GAB1: variants seen among roughly 807,000 people sequenced by gnomAD.
The protein encoded by GAB1 is GRB2 associated binding protein 1.
Under a neutral mutation model 66.5 loss-of-function variants are expected in GAB1, and 19 were observed. The ratio of observed to expected loss-of-function variants is 0.29; its 90% CI spans 0.20 to 0.42. The LOEUF (loss-of-function observed/expected upper bound fraction) is 0.42. Among genes scored for constraint, GAB1 ranks in the 10% least tolerant of loss-of-function variants. The probability of loss-of-function intolerance (pLI) is 1.00; values close to 1 mark genes in which losing one functional copy is unlikely to be tolerated. For missense variants in GAB1, 732 were observed against 858.5 expected, an observed-to-expected ratio of 0.85 and a Z score of 1.84; for synonymous variants, 294 against 301.4, an observed-to-expected ratio of 0.98 and a Z score of 0.25.
chr4:143,425,628 G>A, intron 2 of GAB1: 1 of 761,782 alleles, frequency 1.3e-6, no homozygotes, highest in South Asian at 1.3e-5. Flanking sequence ...ACATCCATGG[G>A]AGGTCATGCC....
intron 1 of GAB1, among the ~76,000 whole-genome samples, chr4:143,359,044 G>A (rs1270984624): frequency 2.6e-5 from 4 of 152,128 alleles, no homozygotes; most frequent in African/African-American, 9.7e-5. Flanking sequence ...GTCCCGTTTG[G>A]TAGGTTGGTT....
chr4:143,438,496 G>T lies in GAB1; in HGVS notation c.1091G>T (p.Arg364Leu), dbSNP rs749724378. 1 of 1,613,810 alleles carries T rather than the reference G, an allele frequency of 6.2e-7. No individual in the cohort carries two copies. Among genetic ancestry groups the T allele is most frequent in the Non-Finnish European group, 8.5e-7 (1 of 1,179,932 alleles). ...CCTGTGGAAACGTGTAGTATCCCAC[G>T]CACCGCCTCAGACACTGACAGTAGT... Reference protein sequence around the residue: ...RSPVETCSIPRTASDTDSSYC... With the variant: ...RSPVETCSIPLTASDTDSSYC... The change falls in exon 4 of 10, where the codon CGC (arginine) becomes CTC (leucine). Residue 364 changes from arginine (R) to leucine (L), a missense_variant. Arg to Leu is a moderately radical substitution (Grantham distance 102, BLOSUM62 -2). This residue lies in a region of GAB1 where 427 missense variants were observed against 420.6 expected (regional missense o/e 1.02). Transcript: ENST00000262994.
intron 6 of GAB1, among the ~76,000 whole-genome samples, chr4:143,450,456 T>C (rs1734859566): frequency 6.6e-6 from 1 of 152,236 alleles, no homozygotes; most frequent in South Asian, 2.1e-4. Flanking sequence ...TTTATGTAAG[T>C]AGTTACCTAT....
At chr4:143,406,706 A>G (rs1444896591) in intron 1 of GAB1, among the ~76,000 whole-genome samples, 3 of 152,242 alleles carry the variant, frequency 2.0e-5, no homozygotes, top group East Asian at 1.9e-4. Context: ...CCCAGTACAC[A>G]CAGCTGTGGG....
chr4:143,437,391 T>A (rs1466448222), intron 3 of GAB1, among the ~76,000 whole-genome samples: 1 of 152,240 alleles, frequency 6.6e-6, no homozygotes, highest in African/African-American at 2.4e-5. Context: ...TGGTTAACTC[T>A]GTATCACGTA....
chr4:143,345,022 A>G (rs188144798), intron 1 of GAB1, among the ~76,000 whole-genome samples: 74 of 152,352 alleles, frequency 4.9e-4, no homozygotes, highest in African/African-American at 1.8e-3. Context: ...CCTGTCCTGC[A>G]GTATTATCTG....
Position 143,346,377 on chromosome 4 carries a change from A to T in GAB1, c.72+9117A>T, listed in dbSNP as rs565780684. ...CTGACTGGCAGAACTCCTCCCTGAG[A>T]TGACTACCTGATGAAAGAATTACCT... is the stretch of plus-strand genomic sequence containing the variant. On this transcript the variant is annotated intron_variant, in intron 1 of 9. Transcript: ENST00000262994. Among the ~76,000 whole-genome samples the T allele has an allele frequency of 1.1e-3, 168 of 152,208 alleles. 1 individual carries two copies. Among genetic ancestry groups the T allele is most frequent in the Non-Finnish European group, 2.1e-3 (145 of 68,042 alleles).
At chr4:143,466,248 C>G (rs773089865) in intron 9 of GAB1, 23 bp downstream of exon 9, 2 of 1,610,330 alleles carry the variant, frequency 1.2e-6, no homozygotes, top group Admixed American at 1.7e-5. Flanking sequence ...TGACATGTCT[C>G]TTCTTTGTAT....
chr4:143,370,825 T>G (rs1485566837), intron 1 of GAB1, among the ~76,000 whole-genome samples: 1 of 152,204 alleles, frequency 6.6e-6, no homozygotes, highest in Admixed American at 6.5e-5. Flanking sequence ...TGCGATAGTT[T>G]GCTCAGAATG....
At chr4:143,429,613 C>T (rs111650498) in intron 2 of GAB1, among the ~76,000 whole-genome samples, 397 of 152,196 alleles carry the variant, frequency 2.6e-3, no homozygotes, top group African/African-American at 9.2e-3. Flanking sequence ...GTTAGGAACC[C>T]TGTACGGGGA....
chr4:143,367,424 G>A (rs145089518), intron 1 of GAB1, among the ~76,000 whole-genome samples: 1 of 152,276 alleles, frequency 6.6e-6, no homozygotes, highest in Admixed American at 6.5e-5. Context: ...AAGGGAGAGA[G>A]TGAGAACATA....
At chr4:143,434,366 CTTT>C (rs11389050) in intron 3 of GAB1, among the ~76,000 whole-genome samples, 6 of 137,466 alleles carry the variant, frequency 4.4e-5, no homozygotes, top group African/African-American at 5.4e-5. Flanking sequence ...TTTTATTTAT[CTTT>C]TTTTTTTTTT....
intron 1 of GAB1, among the ~76,000 whole-genome samples, chr4:143,364,287 T>G (rs1729781439): frequency 6.6e-6 from 1 of 152,192 alleles, no homozygotes; most frequent in African/African-American, 2.4e-5. Context: ...CCTTCCTACG[T>G]GCATGGGCTT....
At chr4:143,395,209 C>T (rs1731382408) in intron 1 of GAB1, 1 of 151,986 alleles carries the variant, frequency 6.6e-6, no homozygotes, top group Admixed American at 6.6e-5. Flanking sequence ...AAAATTAATC[C>T]TGTTTGTTTT....
chr4:143,337,232 C>G lies in GAB1; in HGVS notation c.44C>G (p.Ser15Cys), dbSNP rs765022351. 6.3e-7 allele frequency: 1 copy of G among 1,583,282 alleles called. No individual in the cohort carries two copies. Among genetic ancestry groups the G allele is most frequent in the Non-Finnish European group, 8.6e-7 (1 of 1,164,174 alleles). Residue 15 changes from serine to cysteine, a missense_variant, in exon 1 of 10, where the codon TCC (serine) becomes TGC (cysteine). Ser to Cys is a moderately radical substitution (Grantham distance 112). This residue lies in a region of GAB1 where 35 missense variants were observed against 30.8 expected (regional missense o/e 1.13). Transcript: ENST00000262994. ...EVVCSGWLRK[S>C]PPEKKLKRYA... is the part of the protein sequence containing the mutation. ...GTCTGCTCCGGATGGCTCCGCAAGTCCCCCCCGGAGAAAAAGTTGAAGCGT... is the reference window on the plus strand; with the variant it reads ...GTCTGCTCCGGATGGCTCCGCAAGTGCCCCCCGGAGAAAAAGTTGAAGCGT...
intron 2 of GAB1, among the ~76,000 whole-genome samples, chr4:143,418,116 G>A (rs775928500): frequency 1.9e-4 from 29 of 152,238 alleles, no homozygotes; most frequent in Non-Finnish European, 1.6e-4. Context: ...TAATGAGGGC[G>A]TTCAGAATCT....
chr4:143,379,687 A>C (rs1730573849), intron 1 of GAB1, among the ~76,000 whole-genome samples: 1 of 152,016 alleles, frequency 6.6e-6, no homozygotes, highest in South Asian at 2.1e-4. Context: ...CCTGGGCTCA[A>C]GTGATCTTCC....
chr4:143,419,701 C>T (rs1732911821), intron 2 of GAB1, among the ~76,000 whole-genome samples: 1 of 152,064 alleles, frequency 6.6e-6, no homozygotes, highest in Admixed American at 6.5e-5. Flanking sequence ...TATCTAAATG[C>T]AACTGCATTT....
chr4:143,337,502 C>T (rs1324626434), intron 1 of GAB1, among the ~76,000 whole-genome samples: 1 of 152,218 alleles, frequency 6.6e-6, no homozygotes, highest in Non-Finnish European at 1.5e-5. Context: ...GCTTTGCGGG[C>T]CTGTTCGCCC....
Sources: allele counts gnomAD v4.1 joint callset (sites outside exome capture counted in the v4.1 genomes callset), GRCh38; gene constraint gnomAD v4.1.1; regional missense constraint gnomAD v4.1.1; transcripts MANE v1.5; gene names NCBI Gene and HGNC (gene_info 2026-07-23, HGNC 2026-07-21).